Variants in RAD17 observed in about 807,000 individuals in gnomAD.
RAD17 encodes the protein cell cycle checkpoint protein RAD17.
Under a neutral mutation model 81.5 loss-of-function variants are expected in RAD17, and 31 were observed. The ratio of observed to expected loss-of-function variants is 0.38; its 90% CI spans 0.29 to 0.51. RAD17 has a LOEUF of 0.51. RAD17 is among the 20% of genes least tolerant of loss of function. The pLI is 0.88. For missense variants in RAD17, 681 were observed against 781.2 expected (o/e 0.87, Z 1.53); for synonymous variants, 261 against 266.2 (o/e 0.98, Z 0.19).
intron 7 of RAD17, among the ~76,000 whole-genome samples, chr5:69,382,533 T>G (rs543191148): frequency 3.3e-5 from 5 of 152,356 alleles, no homozygotes; most frequent in African/African-American, 1.2e-4. Context: ...AGATTAAGTC[T>G]TAACTGTTTT....
chr5:69,393,445 T>C lies in RAD17; in HGVS notation c.1367T>C (p.Ile456Thr), dbSNP rs79221849. 9 of 1,610,662 alleles carry C rather than the reference T, an allele frequency of 5.6e-6. No homozygotes were observed. In the East Asian group the frequency reaches 1.3e-4, roughly 24 times the overall value. The change falls in exon 15 of 19, where the codon ATT becomes ACT. Residue 456 changes from isoleucine to threonine, a missense_variant. Ile to Thr is a moderately conservative substitution (Grantham distance 89). Coordinates refer to ENST00000354868, the MANE Select transcript of RAD17 (RefSeq NM_133338.3). The stretch of plus-strand genomic sequence containing the variant: ...GATTTCTTCATGGAAATTGATGATA[T>C]TGTGAGAGCCAGTGAATTTCTGAGT... The part of the protein sequence containing the change: ...YIDFFMEIDD[I>T]VRASEFLSFA...
At chr5:69,377,474 T>TATAC (rs1322869343) in intron 6 of RAD17, among the ~76,000 whole-genome samples, 185 of 10,098 alleles carry the variant, frequency 0.018, 7 homozygotes, top group African/African-American at 0.029. Context: ...TATATATATA[T>TATAC]ACACACACAC....
chr5:69,372,299 A>AG, intron 4 of RAD17, 82 bp downstream of exon 4: 1 of 1,276,118 alleles, frequency 7.8e-7, no homozygotes, highest in Non-Finnish European at 1.1e-6. Flanking sequence ...TCTTAAAAGA[A>AG]GAGTGAAGTG....
chr5:69,371,443 C>A lies in RAD17; in HGVS notation c.-279-11C>A, dbSNP rs1026166809. 6 of 498,018 alleles carry A rather than the reference C, an allele frequency of 1.2e-5. No homozygotes were observed. The highest frequency in any genetic ancestry group is 7.9e-5 in the South Asian group (2 of 25,238). 30.8% of individuals were successfully genotyped at this position (498,018 alleles called of 1,614,324 possible). A position where few individuals can be genotyped will look rare whatever the true frequency, so the allele number is the denominator to read the frequency against. On this transcript the variant is annotated splice_polypyrimidine_tract_variant and intron_variant, in intron 2 of 18. Transcript: ENST00000354868. ...CTTCATTTGAGGGCTTCTTCCCCCC[C>A]CCCCCCCCAGGTGAATTATAGTTTA...
chr5:69,413,598 G>A (rs910111786), intron 18 of RAD17, among the ~76,000 whole-genome samples: 3 of 152,046 alleles, frequency 2.0e-5, no homozygotes, highest in South Asian at 2.1e-4. Context: ...TCAGTGGCAC[G>A]AGCTTGGCTC....
At chr5:69,405,949 G>A (rs1765575604) in intron 17 of RAD17, among the ~76,000 whole-genome samples, 2 of 151,722 alleles carry the variant, frequency 1.3e-5, no homozygotes, top group Non-Finnish European at 2.9e-5. Context: ...GTCTGAGGCA[G>A]GAGAATTGCT....
intron 5 of RAD17, 115 bp from the exon 6 acceptor site, chr5:69,374,513 A>G (rs1360266778): frequency 4.9e-6 from 3 of 615,428 alleles, no homozygotes; most frequent in Non-Finnish European, 8.4e-6. Flanking sequence ...TATTATATAG[A>G]TTGTTACTGA....
chr5:69,370,039 G>A (rs1580339265), intron 1 of RAD17, 106 bp downstream of exon 1: 3 of 349,456 alleles, frequency 8.6e-6, no homozygotes, highest in Non-Finnish European at 1.6e-5. Context: ...CTCCCGACCC[G>A]CCCATCCCAT....
At position 69,414,614 on chromosome 5, in the gene RAD17, TGGG is replaced by T. The variant is rs1310722639; in HGVS notation, c.*326_*328del. ...CTAATTCAGGATGCAAAAACGTTAT[TGGG>T]GGGTTGTAAATATCAACTATTCAAC... On this transcript the variant is annotated 3_prime_UTR_variant, in exon 19 of 19. Coordinates refer to ENST00000354868, the MANE Select transcript of RAD17 (RefSeq NM_133338.3). 1.1e-5 allele frequency: 4 copies of T among 369,550 alleles called. No homozygotes were observed. In the Admixed American group the frequency reaches 1.3e-4, roughly 12 times the overall value. The allele number at this position is 369,550 out of a possible 1,614,324, so 22.9% of individuals were successfully genotyped here. A position where few individuals can be genotyped will look rare whatever the true frequency, so the allele number is the denominator to read the frequency against.
chr5:69,393,031 ATTT>A (rs999733288), intron 13 of RAD17, 121 bp from the exon 14 acceptor site: 18 of 578,222 alleles, frequency 3.1e-5, no homozygotes, highest in Non-Finnish European at 5.4e-5. Context: ...TTTATTTATT[ATTT>A]TTTAACAGTT....
rs535282882 is a variant in RAD17 at position 69,403,892 on chromosome 5, G to C, written c.1693+3723G>C. Among the ~76,000 whole-genome samples, 59 of 152,252 alleles carry C rather than the reference G, an allele frequency of 3.9e-4. 2 individuals carry two copies. The highest frequency in any genetic ancestry group is 3.7e-3 in the Admixed American group (56 of 15,282). On this transcript the variant is annotated intron_variant, in intron 17 of 18. Transcript: ENST00000354868. ...GCTGTGATCACCCCACTGCACTCTA[G>C]CCTGTCTAGCTTGGGTGACAGGGTG... is the stretch of plus-strand genomic sequence containing the variant.
intron 5 of RAD17, 64 bp downstream of exon 5, chr5:69,374,151 A>G: frequency 9.9e-6 from 13 of 1,317,326 alleles, no homozygotes; most frequent in African/African-American, 1.5e-5. Context: ...GGTAGATGGG[A>G]AGCAGAGGGA....
chr5:69,401,658 G>C (rs1190902347), intron 17 of RAD17, among the ~76,000 whole-genome samples: 2 of 152,044 alleles, frequency 1.3e-5, no homozygotes, highest in Non-Finnish European at 2.9e-5. Context: ...TCAGAATCCA[G>C]AGATTGCCCT....
At chr5:69,391,123 G>A (rs1319176391) in intron 12 of RAD17, among the ~76,000 whole-genome samples, 2 of 151,466 alleles carry the variant, frequency 1.3e-5, no homozygotes, top group East Asian at 1.9e-4. Flanking sequence ...CTAGCTGCTC[G>A]GGAGGCTGAG....
rs775124887 is a variant in RAD17, at chr5:69,386,093, A to G, written c.696A>G (p.Leu232=). ...YRDSHTLHEV[L]RKYVRIGRCP... is the part of the protein sequence containing the mutation. Reference sequence around the variant, plus strand: ...ATTCTCATACTTTACATGAAGTTCTAAGGTAGGTTTCAGTGAAGTATTCTA... The same window carrying G: ...ATTCTCATACTTTACATGAAGTTCTGAGGTAGGTTTCAGTGAAGTATTCTA... Residue 232 remains leucine, a splice_region_variant and synonymous_variant, in exon 9 of 19, where the codon CTA becomes CTG. Coordinates refer to ENST00000354868, the MANE Select transcript of RAD17 (RefSeq NM_133338.3). 7 of 1,604,632 alleles carry G rather than the reference A, an allele frequency of 4.4e-6. No homozygotes were observed. In the Middle Eastern group the frequency reaches 8.3e-4, roughly 190 times the overall value.
At chr5:69,369,476 G>C (rs1762759921), upstream of RAD17, 1 of 1,611,324 alleles carries the variant, frequency 6.2e-7, no homozygotes, top group African/African-American at 1.3e-5. Context: ...TGAGCAGGAT[G>C]TTCGGAAGCA....
chr5:69,411,314 G>C (rs1163351973), intron 18 of RAD17, among the ~76,000 whole-genome samples: 1 of 151,922 alleles, frequency 6.6e-6, no homozygotes, highest in Non-Finnish European at 1.5e-5. Context: ...AGGAGGCTGA[G>C]GCAGGAGAAT....
chr5:69,381,120 G>T (rs549026162), intron 6 of RAD17, among the ~76,000 whole-genome samples: 31 of 152,024 alleles, frequency 2.0e-4, no homozygotes, highest in Non-Finnish European at 3.8e-4. Context: ...ACCAAACTGA[G>T]GTCTTTCCAT....
chr5:69,393,157 G>T lies in RAD17; in HGVS notation c.1192G>T (p.Ala398Ser). ...ATAATTCCAGAAATTTTTTATAGGA[G>T]CATCTTTAACAGAATTAGACTCACC... is the stretch of plus-strand genomic sequence containing the variant. ...ALGKILYCKR[A>S]SLTELDSPRL... is the part of the protein sequence containing the mutation. The change falls in exon 14 of 19, where the codon GCA becomes TCA. Residue 398 changes from alanine to serine, a missense_variant and splice_region_variant. Coordinates refer to ENST00000354868, the MANE Select transcript of RAD17 (RefSeq NM_133338.3). The T allele has an allele frequency of 6.3e-7, 1 of 1,593,488 alleles. No individual in the cohort carries two copies. Among genetic ancestry groups the T allele is most frequent in the Non-Finnish European group, 8.6e-7 (1 of 1,166,096 alleles).
Sources: gnomAD v4.1 joint callset for allele counts (sites outside exome capture counted in the v4.1 genomes callset) on GRCh38, gnomAD v4.1.1 for gene constraint, MANE v1.5 for transcripts, NCBI Gene and HGNC (gene_info 2026-07-23, HGNC 2026-07-21) for gene names.